Variants in RPTOR observed in about 807,000 individuals in gnomAD.
RPTOR encodes regulatory-associated protein of mTOR.
RPTOR carries 21 observed loss-of-function variants against 169.9 expected under a neutral mutation model. The ratio of observed to expected loss-of-function variants is 0.12; its 90% CI spans 0.09 to 0.18. The LOEUF is 0.18. Ranked by LOEUF, RPTOR falls within the 10% of genes least tolerant of loss-of-function variation. The pLI, the probability that RPTOR is intolerant of heterozygous loss-of-function variation, is 1.00. For synonymous variants in RPTOR, 732 were observed against 753.2 expected, an observed-to-expected ratio of 0.97 and a Z score of 0.46; for missense variants, 1,133 against 1,855.9, an observed-to-expected ratio of 0.61 and a Z score of 7.16.
rs889968493 is a variant in RPTOR, at chr17:80,757,125, A to G, written c.830+2940A>G. Among the ~76,000 whole-genome samples the G allele has an allele frequency of 2.0e-5, 3 of 152,168 alleles. No individual in the cohort carries two copies. The East Asian group carries it at 5.8e-4, about 29-fold the overall frequency. ...AACAGAAAAGCCAGGAGATGCAGAG[A>G]AGGGAAATAGAGGCCCCAGTATGCA... On this transcript the variant is annotated intron_variant, in intron 6 of 33. Coordinates refer to ENST00000306801, the MANE Select transcript of RPTOR (RefSeq NM_020761.3).
chr17:80,858,648 A>G (rs1192751952), intron 13 of RPTOR, among the ~76,000 whole-genome samples: 1 of 152,010 alleles, frequency 6.6e-6, no homozygotes, highest in Non-Finnish European at 1.5e-5. Context: ...AGTGGGGCTG[A>G]GAAGTCGTGT....
intron 9 of RPTOR, among the ~76,000 whole-genome samples, chr17:80,835,930 A>G (rs985033132): frequency 6.6e-6 from 1 of 152,014 alleles, no homozygotes; most frequent in Non-Finnish European, 1.5e-5. Context: ...TTGAGAGTTC[A>G]TGTTGGATGT....
intron 2 of RPTOR, among the ~76,000 whole-genome samples, chr17:80,634,293 C>CCG (rs2065470281): frequency 9.8e-6 from 1 of 102,110 alleles, no homozygotes; most frequent in African/African-American, 4.6e-5. Context: ...TGTGTGCGTA[C>CCG]TGTGTGTGTG....
At chr17:80,677,567 C>T (rs528253228) in intron 3 of RPTOR, among the ~76,000 whole-genome samples, 2 of 152,264 alleles carry the variant, frequency 1.3e-5, no homozygotes, top group Admixed American at 6.5e-5. Context: ...ACTCCAGCCT[C>T]ACCTCCCACC....
intron 1 of RPTOR, among the ~76,000 whole-genome samples, chr17:80,574,467 GTT>G (rs970253585): frequency 1.3e-5 from 2 of 148,304 alleles, no homozygotes; most frequent in African/African-American, 5.0e-5. Context: ...CGCCCGGCCG[GTT>G]TTTTTTTTCT....
intron 2 of RPTOR, among the ~76,000 whole-genome samples, chr17:80,637,356 C>T (rs1312026852): frequency 3.3e-5 from 5 of 152,170 alleles, no homozygotes; most frequent in African/African-American, 4.8e-5. Context: ...AGGTCCTGAG[C>T]GTGCTGGAAC....
chr17:80,834,607 C>T lies in RPTOR; in HGVS notation c.1137-3315C>T, dbSNP rs1475550228. Among the ~76,000 whole-genome samples the T allele has an allele frequency of 2.0e-5, 3 of 152,212 alleles. No homozygotes were observed. In the South Asian group the frequency reaches 6.2e-4, roughly 32 times the overall value. ...CCCAGCCTTTTAGGAGCACATGTCC[C>T]ACTGCAGCAACATGGGTCACGTGTC... is the stretch of plus-strand genomic sequence containing the variant. On this transcript the variant is annotated intron_variant, in intron 9 of 33. Transcript: ENST00000306801.
At chr17:80,793,063 C>A (rs1042129509) in intron 7 of RPTOR, among the ~76,000 whole-genome samples, 1 of 152,164 alleles carries the variant, frequency 6.6e-6, no homozygotes, top group Non-Finnish European at 1.5e-5. Context: ...CTCCCACCTC[C>A]GCTTCTCAAA....
chr17:80,815,358 CTG>C lies in RPTOR; in HGVS notation c.891-6841_891-6840del, dbSNP rs575609617. Among the ~76,000 whole-genome samples the C allele has an allele frequency of 1.2e-4, 19 of 152,332 alleles. No individual in the cohort carries two copies. The East Asian group carries it at 3.7e-3, about 29-fold the overall frequency. On this transcript the variant is annotated intron_variant, in intron 7 of 33. Coordinates refer to ENST00000306801, the MANE Select transcript of RPTOR (RefSeq NM_020761.3). The stretch of plus-strand genomic sequence containing the variant: ...ACTCCAACTCGGAGGTGGCCAGACT[CTG>C]TAGCTCAGCTGTGCTACAGGGCCAC...
chr17:80,765,508 T>C (rs566069944), intron 6 of RPTOR, among the ~76,000 whole-genome samples: 26 of 152,330 alleles, frequency 1.7e-4, no homozygotes, highest in African/African-American at 6.3e-4. Flanking sequence ...ATTCCACTAA[T>C]GCACTCATCT....
rs144627005 is a variant in RPTOR, at chr17:80,857,676, T to C, written c.1399-114T>C. ...TTAAGTGAGGCCCATTCATTCCTGT[T>C]GCGTTTCCCATATGTGCTGAAGATA... is the stretch of plus-strand genomic sequence containing the variant. On this transcript the variant is annotated intron_variant, in intron 12 of 33. Transcript: ENST00000306801. The C allele has an allele frequency of 1.2e-3, 767 of 663,854 alleles. 5 individuals carry two copies. In the African/African-American group the frequency reaches 0.012, roughly 11 times the overall value. 41.1% of individuals were successfully genotyped at this position (663,854 alleles called of 1,614,324 possible).
intron 1 of RPTOR, among the ~76,000 whole-genome samples, chr17:80,554,769 A>AAACAAAC (rs1555713032): frequency 6.7e-6 from 1 of 148,778 alleles, no homozygotes; most frequent in Non-Finnish European, 1.5e-5. Context: ...AAAACAAAAC[A>AAACAAAC]AACAACAACA....
intron 10 of RPTOR, among the ~76,000 whole-genome samples, chr17:80,841,710 GGCAGCTCACTCTCACCACACC>G (rs2067664425): frequency 8.2e-6 from 1 of 121,670 alleles, no homozygotes; most frequent in African/African-American, 3.4e-5. Context: ...CTCACCGCAC[GGCAGCTCACTCTCACCACACC>G]GCAGCTCACT....
intron 3 of RPTOR, among the ~76,000 whole-genome samples, chr17:80,705,580 A>G (rs772279921): frequency 2.0e-5 from 3 of 152,246 alleles, no homozygotes; most frequent in Non-Finnish European, 4.4e-5. Flanking sequence ...GTGAAACCAA[A>G]TGTGTATCAT....
At chr17:80,940,697 A>T (rs2069014467) in intron 25 of RPTOR, 96 bp downstream of exon 25, 1 of 983,162 alleles carries the variant, frequency 1.0e-6, no homozygotes, top group South Asian at 1.5e-5. Flanking sequence ...CCCACGCACA[A>T]CCTTCTCCAG....
chr17:80,580,377 G>A (rs559697856), intron 1 of RPTOR, among the ~76,000 whole-genome samples: 3 of 152,164 alleles, frequency 2.0e-5, no homozygotes, highest in East Asian at 1.9e-4. Flanking sequence ...CCCATTTTAT[G>A]TGCCCGCTCG....
intron 16 of RPTOR, among the ~76,000 whole-genome samples, chr17:80,884,516 C>G (rs1303662111): frequency 1.3e-5 from 2 of 152,212 alleles, no homozygotes; most frequent in Non-Finnish European, 1.5e-5. Context: ...CTCCCCAGGA[C>G]CACATGGTGT....
intron 6 of RPTOR, among the ~76,000 whole-genome samples, chr17:80,778,906 C>T (rs187178592): frequency 2.0e-5 from 3 of 152,324 alleles, no homozygotes; most frequent in East Asian, 3.9e-4. Context: ...CTGGCCGCGG[C>T]GCCTGCGAAT....
chr17:80,642,800 A>G (rs1338208729), intron 2 of RPTOR, among the ~76,000 whole-genome samples: 2 of 152,214 alleles, frequency 1.3e-5, no homozygotes, highest in African/African-American at 4.8e-5. Context: ...AATGATAGAT[A>G]TATGTGTGAG....
Sources: gnomAD v4.1 joint callset for allele counts (sites outside exome capture counted in the v4.1 genomes callset) on GRCh38, gnomAD v4.1.1 for gene constraint, MANE v1.5 for transcripts, NCBI Gene and HGNC (gene_info 2026-07-23, HGNC 2026-07-21) for gene names.